Variants in WDR1 observed in about 807,000 individuals in gnomAD.
The protein encoded by WDR1 is WD repeat-containing protein 1.
In WDR1, 21 loss-of-function variants were observed where a neutral mutation model predicts 71.9. The observed-to-expected ratio is 0.29, with a 90% CI of 0.21 to 0.42. The LOEUF is 0.42. Ranked by LOEUF, WDR1 falls within the 10% of genes least tolerant of loss-of-function variation. The probability of loss-of-function intolerance (pLI) is 1.00; values close to 1 mark genes in which losing one functional copy is unlikely to be tolerated. For missense variants in WDR1, 696 were observed against 824.5 expected, an observed-to-expected ratio of 0.84 and a Z score of 1.91; for synonymous variants, 424 against 347.4, an observed-to-expected ratio of 1.22 and a Z score of -2.45.
intron 3 of WDR1, 64 bp downstream of exon 3, chr4:10,103,832 C>A (rs1578442762): frequency 2.1e-6 from 3 of 1,396,174 alleles, no homozygotes; most frequent in Non-Finnish European, 2.9e-6. Context: ...CCCAGCTTCG[C>A]CCTGGGCCCT....
At chr4:10,076,061 C>T (rs1353274913) in intron 14 of WDR1, 2 of 153,394 alleles carry the variant, frequency 1.3e-5, no homozygotes, top group Non-Finnish European at 2.9e-5. Flanking sequence ...CTGTGGCTAG[C>T]TCTGCCCATG....
chr4:10,082,076 A>T (rs1262100292), intron 10 of WDR1, among the ~76,000 whole-genome samples: 1 of 152,190 alleles, frequency 6.6e-6, no homozygotes, highest in Non-Finnish European at 1.5e-5. Flanking sequence ...TGGCCCAGGG[A>T]AGACCCTTTT....
intron 5 of WDR1, chr4:10,095,848 T>A (rs1305264745): frequency 6.6e-6 from 1 of 152,314 alleles, no homozygotes; most frequent in Non-Finnish European, 1.5e-5. Flanking sequence ...CCTAGCTCTG[T>A]GCCAGGCCAC....
chr4:10,116,732 A>G lies in WDR1; in HGVS notation c.-66T>C. 2.3e-6 allele frequency: 3 copies of G among 1,286,626 alleles called. No individual in the cohort carries two copies. The highest frequency in any genetic ancestry group is 3.0e-6 in the Non-Finnish European group (3 of 1,015,098). The allele number at this position is 1,286,626 out of a possible 1,614,324, so 79.7% of individuals were successfully genotyped here. A position where few individuals can be genotyped will look rare whatever the true frequency, so the allele number is the denominator to read the frequency against. ...CCGGGGCCGGCCCGCGCTGCGAATT[A>G]CACCTCGCCGAGGCCGAGCCCGGGG... On this transcript the variant is annotated 5_prime_UTR_variant, in exon 1 of 15. Coordinates refer to ENST00000499869, the MANE Select transcript of WDR1 (RefSeq NM_017491.5).
chr4:10,094,226 A>T (rs192913788), intron 5 of WDR1, among the ~76,000 whole-genome samples: 2 of 152,180 alleles, frequency 1.3e-5, no homozygotes, highest in African/African-American at 4.8e-5. Flanking sequence ...CATTAGACAC[A>T]AACTATCCAG....
At chr4:10,078,104 A>G (rs191335840) in intron 12 of WDR1, among the ~76,000 whole-genome samples, 178 bp from the exon 13 acceptor site, 1 of 152,326 alleles carries the variant, frequency 6.6e-6, no homozygotes, top group East Asian at 1.9e-4. Flanking sequence ...AAACCTACGC[A>G]GCTCTATGAA....
At chr4:10,086,886 G>A (rs551074527) in intron 8 of WDR1, among the ~76,000 whole-genome samples, 1 of 152,320 alleles carries the variant, frequency 6.6e-6, no homozygotes, top group South Asian at 2.1e-4. Context: ...AGTGTGGGAA[G>A]CAGGCGAGGG....
intron 3 of WDR1, among the ~76,000 whole-genome samples, chr4:10,100,464 C>T (rs913296813): frequency 3.9e-5 from 6 of 152,092 alleles, no homozygotes; most frequent in South Asian, 2.1e-4. Context: ...CACGAATTAA[C>T]GGAGGCTCTA....
In WDR1 at chr4:10,094,110, C is replaced by T. The variant is rs1163839753; in HGVS notation, c.558+3601G>A. Among the ~76,000 whole-genome samples, 11 of 152,216 alleles carry T rather than the reference C, an allele frequency of 7.2e-5. No individual in the cohort carries two copies. The East Asian group carries it at 1.7e-3, about 24-fold the overall frequency. On this transcript the variant is annotated intron_variant, in intron 5 of 14. Coordinates refer to ENST00000499869, the MANE Select transcript of WDR1 (RefSeq NM_017491.5). Reference sequence around the variant, plus strand: ...GAAGCCAGAAGTCTTCCGTGCTGAACATTTTTCCACCTACAATCACAGCTT... The same window carrying T: ...GAAGCCAGAAGTCTTCCGTGCTGAATATTTTTCCACCTACAATCACAGCTT...
chr4:10,097,431 G>A (rs928976810), intron 5 of WDR1, among the ~76,000 whole-genome samples: 4 of 152,332 alleles, frequency 2.6e-5, no homozygotes, highest in South Asian at 4.1e-4. Flanking sequence ...CTGGTTACAC[G>A]GTCAGGGACA....
intron 5 of WDR1, among the ~76,000 whole-genome samples, chr4:10,093,348 G>T (rs563161859): frequency 6.6e-6 from 1 of 152,286 alleles, no homozygotes; most frequent in East Asian, 1.9e-4. Context: ...GCCCAGCACG[G>T]GCCTCCACGA....
At chr4:10,088,836 GTTCAT>G in intron 5 of WDR1, 95 bp from the exon 6 acceptor site, 2 of 953,916 alleles carry the variant, frequency 2.1e-6, no homozygotes, top group Middle Eastern at 2.1e-4. Flanking sequence ...AGCTCCAGCT[GTTCAT>G]CAGTGTGAAC....
At chr4:10,077,534 CA>C (rs1187437834) in intron 13 of WDR1, 86 bp from the exon 14 acceptor site, 1 of 1,584,168 alleles carries the variant, frequency 6.3e-7, no homozygotes, top group African/African-American at 1.3e-5. Context: ...CTCATGGCGA[CA>C]ATAAGGACCG....
chr4:10,086,371 C>A (rs3756227), intron 8 of WDR1, among the ~76,000 whole-genome samples: 28,208 of 152,252 alleles, frequency 0.19, 3,015 homozygotes, highest in Middle Eastern at 0.26. Flanking sequence ...AGCCTTCCCC[C>A]TCTCAGCAGT....
At chr4:10,109,803 C>G (rs1713240072) in intron 2 of WDR1, among the ~76,000 whole-genome samples, 1 of 152,218 alleles carries the variant, frequency 6.6e-6, no homozygotes, top group Non-Finnish European at 1.5e-5. Flanking sequence ...CCAGCACCTT[C>G]CAGAGGTTCA....
intron 9 of WDR1, chr4:10,083,732 T>C: frequency 2.2e-6 from 1 of 456,292 alleles, no homozygotes; most frequent in South Asian, 1.5e-5. Flanking sequence ...CCAGGCACTC[T>C]GCAGATGGTG....
chr4:10,076,370 C>T (rs551265752), intron 14 of WDR1: 4 of 152,340 alleles, frequency 2.6e-5, no homozygotes, highest in South Asian at 2.1e-4. Flanking sequence ...ACTATCTGCA[C>T]GAGAACCCGA....
At chr4:10,087,675 G>A in intron 8 of WDR1, 32 bp downstream of exon 8, 2 of 1,537,694 alleles carry the variant, frequency 1.3e-6, no homozygotes, top group Non-Finnish European at 8.8e-7. Context: ...TGTCCACCCA[G>A]CGGGCAGAGC....
chr4:10,083,684 C>T (rs1012232864), intron 9 of WDR1: 8 of 464,068 alleles, frequency 1.7e-5, no homozygotes, highest in African/African-American at 1.2e-4. Context: ...CAACGCACAG[C>T]AGGTGCCATC....
Sources: allele counts gnomAD v4.1 joint callset (sites outside exome capture counted in the v4.1 genomes callset), GRCh38; gene constraint gnomAD v4.1.1; transcripts MANE v1.5; gene names NCBI Gene and HGNC (gene_info 2026-07-23, HGNC 2026-07-21).